Variants in ROCK2 observed in about 807,000 individuals in gnomAD.
ROCK2 encodes the protein rho-associated protein kinase 2.
Under a neutral mutation model 195.1 loss-of-function variants are expected in ROCK2, and 61 were observed. The observed-to-expected ratio is 0.31, with a 90% CI of 0.25 to 0.39. ROCK2 has a LOEUF of 0.39. ROCK2 is among the 10% of genes least tolerant of loss of function. The pLI is 1.00. For synonymous variants in ROCK2, 504 were observed against 545.5 expected (o/e 0.92, Z 1.06); for missense variants, 1,109 against 1,637.4 (o/e 0.68, Z 5.57).
chr2:11,260,448 C>CA (rs35308782), intron 3 of ROCK2, among the ~76,000 whole-genome samples: 5,881 of 91,392 alleles, frequency 0.064, 469 homozygotes, highest in African/African-American at 0.19. Context: ...ACTCTGTCTC[C>CA]AAAAAAAAAA....
At chr2:11,245,124 G>T (rs1427223110) in intron 4 of ROCK2, among the ~76,000 whole-genome samples, 1 of 151,458 alleles carries the variant, frequency 6.6e-6, no homozygotes, top group Non-Finnish European at 1.5e-5. Context: ...CACTATAAAA[G>T]ATTAGCATAT....
intron 32 of ROCK2, among the ~76,000 whole-genome samples, chr2:11,189,847 C>T (rs1463291559): frequency 6.6e-6 from 1 of 151,790 alleles, no homozygotes; most frequent in Non-Finnish European, 1.5e-5. Flanking sequence ...AAAAATTAGC[C>T]AGGTGTCATG....
Position 11,217,077 on chromosome 2 carries a change from C to T in ROCK2, c.1412+13G>A. On this transcript the variant is annotated intron_variant, in intron 12 of 32. Coordinates refer to ENST00000315872, the MANE Select transcript of ROCK2 (RefSeq NM_004850.5). The stretch of plus-strand genomic sequence containing the variant: ...ATTTTATAATGTAATATTTAATTAT[C>T]TACAAAACATACTTGCACTTCTGTT... The T allele has an allele frequency of 7.5e-7, 1 of 1,334,260 alleles. No individual in the cohort carries two copies. The highest frequency in any genetic ancestry group is 1.1e-6 in the Non-Finnish European group (1 of 935,504). 82.7% of individuals were successfully genotyped at this position (1,334,260 alleles called of 1,614,324 possible).
At chr2:11,309,837 G>A (rs1370487431) in intron 1 of ROCK2, among the ~76,000 whole-genome samples, 7 of 151,866 alleles carry the variant, frequency 4.6e-5, no homozygotes, top group Non-Finnish European at 7.4e-5. Context: ...AAAATTAGCC[G>A]GGCATGGTGG....
intron 3 of ROCK2, among the ~76,000 whole-genome samples, chr2:11,268,150 T>C (rs2148159426): frequency 6.6e-6 from 1 of 152,144 alleles, no homozygotes; most frequent in Non-Finnish European, 1.5e-5. Flanking sequence ...GAGCCATGGC[T>C]ACAAGATCCA....
intron 3 of ROCK2, among the ~76,000 whole-genome samples, chr2:11,280,371 C>T (rs1183700126): frequency 6.6e-6 from 1 of 151,954 alleles, no homozygotes; most frequent in African/African-American, 2.4e-5. Flanking sequence ...TGCCTGAAAT[C>T]CCAGCACTTT....
intron 4 of ROCK2, among the ~76,000 whole-genome samples, chr2:11,240,779 A>G (rs780564773): frequency 2.0e-5 from 3 of 152,250 alleles, no homozygotes; most frequent in Non-Finnish European, 4.4e-5. Context: ...TATACCTCAT[A>G]AAGTTCTATT....
intron 5 of ROCK2, among the ~76,000 whole-genome samples, chr2:11,230,838 T>C (rs1664981937): frequency 1.3e-5 from 2 of 152,062 alleles, no homozygotes; most frequent in African/African-American, 4.8e-5. Flanking sequence ...ACAACTGAAA[T>C]GCTTCCTATA....
At chr2:11,206,046 T>C (rs553277408) in intron 20 of ROCK2, among the ~76,000 whole-genome samples, 1 of 151,910 alleles carries the variant, frequency 6.6e-6, no homozygotes, top group East Asian at 1.9e-4. Flanking sequence ...GAAGGGAAGG[T>C]TGCAGTGAGC....
intron 3 of ROCK2, among the ~76,000 whole-genome samples, chr2:11,260,469 G>C (rs1170144912): frequency 1.7e-5 from 2 of 120,534 alleles, no homozygotes; most frequent in East Asian, 4.8e-4. Flanking sequence ...AAAAAAAAAG[G>C]AGTTGTGCTA....
At chr2:11,316,767 G>C (rs998339263) in intron 1 of ROCK2, among the ~76,000 whole-genome samples, 6 of 152,120 alleles carry the variant, frequency 3.9e-5, no homozygotes, top group Admixed American at 2.6e-4. Flanking sequence ...CTACGATATG[G>C]TATGTCTGTC....
intron 3 of ROCK2, among the ~76,000 whole-genome samples, chr2:11,253,173 G>A (rs756265757): frequency 3.1e-4 from 47 of 151,982 alleles, no homozygotes; most frequent in Admixed American, 2.6e-3. Context: ...TTCAGCGATG[G>A]AAGAAAGAAG....
At chr2:11,292,407 T>C (rs908675120) in intron 1 of ROCK2, among the ~76,000 whole-genome samples, 1 of 152,190 alleles carries the variant, frequency 6.6e-6, no homozygotes, top group Non-Finnish European at 1.5e-5. Context: ...CCTACATTAG[T>C]AGGCACAGAA....
At chr2:11,238,209 A>AGTGCGTGTGTGTGTGTGTGTGTGT (rs1665285893) in intron 4 of ROCK2, among the ~76,000 whole-genome samples, 1 of 135,266 alleles carries the variant, frequency 7.4e-6, no homozygotes, top group African/African-American at 2.9e-5. Flanking sequence ...ATTGAGAAAG[A>AGTGCGTGTGTGTGTGTGTGTGTGT]GTGTGTGTGT....
intron 32 of ROCK2, among the ~76,000 whole-genome samples, chr2:11,190,423 T>C (rs1040548562): frequency 1.3e-5 from 2 of 150,806 alleles, no homozygotes; most frequent in Non-Finnish European, 3.0e-5. Context: ...AAATAGACCA[T>C]AATGCTGATT....
rs1464271161 is a variant in ROCK2 at position 11,207,702 on chromosome 2, A to C, written c.2549+24T>G. The C allele has an allele frequency of 1.9e-6, 3 of 1,571,022 alleles. No individual in the cohort carries two copies. In the South Asian group the frequency reaches 3.5e-5, roughly 18 times the overall value. On this transcript the variant is annotated intron_variant, in intron 20 of 32. Coordinates refer to ENST00000315872, the MANE Select transcript of ROCK2 (RefSeq NM_004850.5). ...TATACATGGATAATTATGCATATTA[A>C]AACATCTCAATCAATTAACTTACTT... is the stretch of plus-strand genomic sequence containing the variant.
intron 3 of ROCK2, among the ~76,000 whole-genome samples, chr2:11,279,401 C>T (rs1014955768): frequency 6.6e-6 from 1 of 152,134 alleles, no homozygotes; most frequent in Admixed American, 6.5e-5. Flanking sequence ...GACGAGCAAA[C>T]TTCAAAGCAA....
At chr2:11,339,356 G>A (rs75988167) in intron 1 of ROCK2, among the ~76,000 whole-genome samples, 10,283 of 151,772 alleles carry the variant, frequency 0.068, 474 homozygotes, top group African/African-American at 0.13. Context: ...ACTATACTTC[G>A]AAATTTTCTA....
Position 11,344,090 on chromosome 2 carries a change from G to A in ROCK2, c.47C>T (p.Thr16Ile), listed in dbSNP as rs759714742. The change falls in exon 1 of 33, where the codon ACC becomes ATC. Residue 16 changes from threonine (T) to isoleucine (I), a missense_variant. Coordinates refer to ENST00000315872, the MANE Select transcript of ROCK2 (RefSeq NM_004850.5). This position sits in a 1 kb window ranked among gnomAD's most constrained non-coding sequence, Gnocchi z 5.4. ...CGCGCCTGCCCCGTCCCCCGGCGCG[G>A]TCTCGGGGGCGCCGGGCATTTTCCC... ...PTGKMPGAPETAPGDGAGASR... is the reference protein window; with the variant it reads ...PTGKMPGAPEIAPGDGAGASR... The A allele has an allele frequency of 3.3e-6, 5 of 1,531,992 alleles. No individual in the cohort carries two copies. In the African/African-American group the frequency reaches 4.4e-5, roughly 13 times the overall value. 94.9% of individuals were successfully genotyped at this position (1,531,992 alleles called of 1,614,324 possible).
Sources: gnomAD v4.1 joint callset for allele counts (sites outside exome capture counted in the v4.1 genomes callset) on GRCh38, gnomAD v4.1.1 for gene constraint, Gnocchi (gnomAD v3.1) non-coding constraint, MANE v1.5 for transcripts, NCBI Gene and HGNC (gene_info 2026-07-23, HGNC 2026-07-21) for gene names.